Variants in TMEM117 observed in about 807,000 individuals in gnomAD.
TMEM117 encodes the protein transmembrane protein 117.
A neutral mutation model predicts 52.4 loss-of-function variants in TMEM117; 27 were observed. The ratio of observed to expected loss-of-function variants is 0.51; its 90% CI spans 0.38 to 0.71. The LOEUF (loss-of-function observed/expected upper bound fraction) is 0.71, where lower values mean the gene tolerates loss of function less well. Ranked by LOEUF, TMEM117 falls within the 30% of genes least tolerant of loss-of-function variation. TMEM117 has a pLI of 0.00. For missense variants in TMEM117, 556 were observed against 630.5 expected, an observed-to-expected ratio of 0.88 and a Z score of 1.26; for synonymous variants, 215 against 206.3, an observed-to-expected ratio of 1.04 and a Z score of -0.36.
chr12:44,098,446 T>G (rs1947809592), intron 3 of TMEM117, among the ~76,000 whole-genome samples: 1 of 152,072 alleles, frequency 6.6e-6, no homozygotes, highest in Admixed American at 6.6e-5. Flanking sequence ...ATGCTAACTC[T>G]CTAAGTTTCT....
intron 2 of TMEM117, among the ~76,000 whole-genome samples, chr12:43,886,824 G>A (rs939879414): frequency 4.6e-5 from 7 of 151,938 alleles, no homozygotes; most frequent in East Asian, 3.9e-4. Context: ...GAATTGTTCC[G>A]CTCTATGTGT....
intron 3 of TMEM117, among the ~76,000 whole-genome samples, chr12:44,114,172 G>A (rs573974564): frequency 2.7e-4 from 41 of 151,966 alleles, no homozygotes; most frequent in African/African-American, 6.5e-4. Context: ...CGTCTTCTGC[G>A]TCGCTCACGC....
intron 4 of TMEM117, among the ~76,000 whole-genome samples, chr12:44,187,384 A>G (rs1949292868): frequency 1.3e-5 from 2 of 152,154 alleles, no homozygotes; most frequent in Non-Finnish European, 2.9e-5. Flanking sequence ...CTCTGACTGT[A>G]TAGTTCTTCA....
chr12:44,103,524 A>G (rs759746645), intron 3 of TMEM117, among the ~76,000 whole-genome samples: 12 of 151,880 alleles, frequency 7.9e-5, no homozygotes, highest in Non-Finnish European at 1.8e-4. Flanking sequence ...GTTGGTGGCA[A>G]TCTGTCTCTC....
intron 2 of TMEM117, among the ~76,000 whole-genome samples, chr12:43,939,106 G>A (rs991909285): frequency 2.0e-5 from 3 of 152,042 alleles, no homozygotes; most frequent in Admixed American, 1.3e-4. Context: ...TTTTGTTTTC[G>A]CTTTTGTTAT....
At chr12:44,305,179 A>T (rs1246882231) in intron 6 of TMEM117, among the ~76,000 whole-genome samples, 1 of 152,208 alleles carries the variant, frequency 6.6e-6, no homozygotes, top group Non-Finnish European at 1.5e-5. Context: ...GCCAGGCAGT[A>T]CTTGCCATGG....
chr12:44,332,378 A>G (rs74085108), intron 6 of TMEM117, among the ~76,000 whole-genome samples: 2 of 152,086 alleles, frequency 1.3e-5, no homozygotes, highest in African/African-American at 4.8e-5. Flanking sequence ...TCTTTGGGTT[A>G]TGCCAAATTG....
intron 3 of TMEM117, among the ~76,000 whole-genome samples, chr12:44,045,374 T>C (rs1339930912): frequency 6.6e-6 from 1 of 152,284 alleles, no homozygotes; most frequent in East Asian, 1.9e-4. Context: ...TGGACCTCTT[T>C]CATCATGGAA....
chr12:44,252,974 G>A (rs1950213871), intron 5 of TMEM117, among the ~76,000 whole-genome samples: 1 of 152,118 alleles, frequency 6.6e-6, no homozygotes, highest in South Asian at 2.1e-4. Context: ...CGGAAAAAGA[G>A]GAGGAACAGA....
At chr12:44,343,111 A>G (rs906906880) in intron 6 of TMEM117, among the ~76,000 whole-genome samples, 1 of 146,178 alleles carries the variant, frequency 6.8e-6, no homozygotes, top group Admixed American at 6.8e-5. Context: ...ATTTTTTTTT[A>G]TTTTTTATTT....
intron 3 of TMEM117, among the ~76,000 whole-genome samples, chr12:44,099,250 T>C (rs1398811192): frequency 1.3e-5 from 2 of 150,394 alleles, no homozygotes; most frequent in African/African-American, 4.9e-5. Context: ...ATCAGCATTT[T>C]TGTTTTTTAA....
At chr12:44,285,864 A>G (rs1449617721) in intron 5 of TMEM117, among the ~76,000 whole-genome samples, 3 of 152,238 alleles carry the variant, frequency 2.0e-5, no homozygotes, top group African/African-American at 7.2e-5. Flanking sequence ...TTGCAGTGAA[A>G]AATGAAGGAA....
At chr12:44,161,318 G>A (rs964421906) in intron 4 of TMEM117, among the ~76,000 whole-genome samples, 1 of 151,972 alleles carries the variant, frequency 6.6e-6, no homozygotes, top group Admixed American at 6.6e-5. Flanking sequence ...CATACAGTTG[G>A]GTTTAAATCT....
Position 44,041,790 on chromosome 12 carries a change from T to A in TMEM117, c.410+97448T>A, listed in dbSNP as rs1946802760. Among the ~76,000 whole-genome samples the A allele has an allele frequency of 2.0e-5, 3 of 152,222 alleles. 1 individual carries two copies. The highest frequency in any genetic ancestry group is 2.0e-4 in the Admixed American group (3 of 15,274). On this transcript the variant is annotated intron_variant, in intron 3 of 7. Coordinates refer to ENST00000266534, the MANE Select transcript of TMEM117 (RefSeq NM_032256.3). ...ATCCACCATGATCAAGTAGGGTTTA[T>A]TCCTGGGATGTAAGGTTGGTTAATA...
At chr12:44,248,714 C>A in intron 5 of TMEM117, 1 of 166,378 alleles carries the variant, frequency 6.0e-6, no homozygotes, top group South Asian at 1.7e-4. Context: ...ACTGAATGAT[C>A]CAGGTGCTGA....
At chr12:44,052,867 T>A (rs558730990) in intron 3 of TMEM117, among the ~76,000 whole-genome samples, 1 of 152,224 alleles carries the variant, frequency 6.6e-6, no homozygotes, top group Admixed American at 6.6e-5. Context: ...AGGGGACACA[T>A]ATGAGTCTCT....
chr12:44,180,429 T>G (rs1441374378), intron 4 of TMEM117, among the ~76,000 whole-genome samples: 1 of 151,534 alleles, frequency 6.6e-6, no homozygotes, highest in Non-Finnish European at 1.5e-5. Context: ...TGTATACATG[T>G]GCCATGCTGG....
At chr12:44,307,622 C>A (rs1255331217) in intron 6 of TMEM117, among the ~76,000 whole-genome samples, 1 of 152,186 alleles carries the variant, frequency 6.6e-6, no homozygotes, top group African/African-American at 2.4e-5. Context: ...ACTCTCACTT[C>A]CCTCATTACT....
At chr12:43,886,396 T>C (rs1943995196) in intron 2 of TMEM117, among the ~76,000 whole-genome samples, 2 of 152,148 alleles carry the variant, frequency 1.3e-5, no homozygotes, top group South Asian at 2.1e-4. Flanking sequence ...GACTGGGATG[T>C]TTCACTTAGA....
Sources: gnomAD v4.1 joint callset for allele counts (sites outside exome capture counted in the v4.1 genomes callset) on GRCh38, gnomAD v4.1.1 for gene constraint, MANE v1.5 for transcripts, NCBI Gene and HGNC (gene_info 2026-07-23, HGNC 2026-07-21) for gene names.